SCHIP1: variants seen among roughly 807,000 people sequenced by gnomAD.
The protein encoded by SCHIP1 is schwannomin interacting protein 1, also known as schwannomin-interacting protein 1.
Under a neutral mutation model 29.7 loss-of-function variants are expected in SCHIP1, and 8 were observed. That is an observed-to-expected ratio of 0.27 (90% CI 0.16 to 0.49). The LOEUF is 0.49. SCHIP1 is among the 20% of genes least tolerant of loss of function. The probability of loss-of-function intolerance (pLI) is 0.99; values close to 1 mark genes in which losing one functional copy is unlikely to be tolerated. For synonymous variants in SCHIP1, 76 were observed against 94.9 expected (o/e 0.80, Z 1.16); for missense variants, 193 against 294.6 (o/e 0.66, Z 2.52).
the SCHIP1 span, among the ~76,000 whole-genome samples, chr3:159,628,589 A>G: frequency 6.6e-6 from 1 of 152,312 alleles, no homozygotes; most frequent in South Asian, 2.1e-4. Context: ...GAATTACACA[A>G]ACATTCTAGA....
chr3:159,502,460 A>C, the SCHIP1 span, among the ~76,000 whole-genome samples: 2 of 150,640 alleles, frequency 1.3e-5, no homozygotes, highest in Middle Eastern at 3.5e-3. Context: ...TATAGTGACC[A>C]AAATCAGCTT....
the SCHIP1 span, among the ~76,000 whole-genome samples, chr3:159,605,178 C>T: frequency 4.6e-5 from 7 of 151,978 alleles, no homozygotes; most frequent in South Asian, 2.1e-4. Context: ...TTTAAAAGGG[C>T]GAAGCATTAG....
the SCHIP1 span, among the ~76,000 whole-genome samples, chr3:159,447,589 C>T: frequency 6.6e-6 from 1 of 152,152 alleles, no homozygotes; most frequent in African/African-American, 2.4e-5. Flanking sequence ...ACAGGTATTA[C>T]CAATCAAACA....
chr3:159,365,313 G>T, the SCHIP1 span, among the ~76,000 whole-genome samples: 1 of 152,068 alleles, frequency 6.6e-6, no homozygotes, highest in Non-Finnish European at 1.5e-5. Flanking sequence ...ACATGATATT[G>T]CTTCGTTATG....
the SCHIP1 span, among the ~76,000 whole-genome samples, chr3:159,817,486 T>C: frequency 6.6e-6 from 1 of 152,226 alleles, no homozygotes; most frequent in South Asian, 2.1e-4. Context: ...TTCCTCACTT[T>C]TGTGTGGCCA....
chr3:159,442,710 T>C, the SCHIP1 span, among the ~76,000 whole-genome samples: 5 of 152,036 alleles, frequency 3.3e-5, no homozygotes, highest in East Asian at 9.6e-4. Flanking sequence ...TTGCAGACAT[T>C]TGTGGGAGAG....
At chr3:159,539,008 T>C in the SCHIP1 span, among the ~76,000 whole-genome samples, 2 of 152,080 alleles carry the variant, frequency 1.3e-5, no homozygotes, top group Non-Finnish European at 2.9e-5. Context: ...GTTATATAAG[T>C]GGATGTACCC....
At chr3:159,328,895 C>G in the SCHIP1 span, among the ~76,000 whole-genome samples, 2 of 152,166 alleles carry the variant, frequency 1.3e-5, no homozygotes, top group African/African-American at 2.4e-5. Context: ...TATTTAACCC[C>G]TGTGAGTCTC....
chr3:159,660,522 T>A, the SCHIP1 span, among the ~76,000 whole-genome samples: 1 of 152,172 alleles, frequency 6.6e-6, no homozygotes, highest in Admixed American at 6.5e-5. Flanking sequence ...CATACAGATC[T>A]AATGTGTGTG....
chr3:159,850,611 T>C (rs971364049), intron 1 of SCHIP1, among the ~76,000 whole-genome samples: 3 of 150,874 alleles, frequency 2.0e-5, no homozygotes, highest in African/African-American at 7.3e-5. Flanking sequence ...AGAGGTTTAA[T>C]TGGCTCATGG....
the SCHIP1 span, among the ~76,000 whole-genome samples, chr3:159,646,501 G>A: frequency 1.3e-5 from 2 of 152,052 alleles, no homozygotes; most frequent in Non-Finnish European, 2.9e-5. Context: ...TCCTTTACAG[G>A]AATCAACTCA....
chr3:159,612,200 A>C, the SCHIP1 span, among the ~76,000 whole-genome samples: 1 of 152,284 alleles, frequency 6.6e-6, no homozygotes, highest in Admixed American at 6.5e-5. Flanking sequence ...TGATGACCAA[A>C]GCTATAATCA....
chr3:159,611,765 T>C, the SCHIP1 span, among the ~76,000 whole-genome samples: 1 of 152,290 alleles, frequency 6.6e-6, no homozygotes, highest in South Asian at 2.1e-4. Flanking sequence ...ATGAGTAAAT[T>C]GACCCCAAGA....
chr3:159,372,716 A>G, the SCHIP1 span, among the ~76,000 whole-genome samples: 1 of 152,096 alleles, frequency 6.6e-6, no homozygotes, highest in Non-Finnish European at 1.5e-5. Flanking sequence ...AACATTTTTA[A>G]ATAGTATTGG....
At chr3:159,383,425 C>T in the SCHIP1 span, among the ~76,000 whole-genome samples, 34 of 151,446 alleles carry the variant, frequency 2.2e-4, no homozygotes, top group Middle Eastern at 6.8e-3. Flanking sequence ...TGTAGATATG[C>T]GGCGTTATTT....
At chr3:159,854,490 C>T (rs1238186874) in intron 1 of SCHIP1, among the ~76,000 whole-genome samples, 3 of 152,164 alleles carry the variant, frequency 2.0e-5, no homozygotes, top group African/African-American at 4.8e-5. Context: ...TATGTGAAAG[C>T]GGTTTCAGTA....
At chr3:159,460,300 A>G in the SCHIP1 span, among the ~76,000 whole-genome samples, 1 of 152,176 alleles carries the variant, frequency 6.6e-6, no homozygotes, top group Admixed American at 6.6e-5. Context: ...AGGGTGGGTG[A>G]GGTCAGTTCC....
chr3:159,876,724 CAT>C (rs1715851565), intron 2 of SCHIP1, among the ~76,000 whole-genome samples: 1 of 152,166 alleles, frequency 6.6e-6, no homozygotes, highest in African/African-American at 2.4e-5. Flanking sequence ...ACGCTTTTAT[CAT>C]ATGTTTCTTG....
the SCHIP1 span, among the ~76,000 whole-genome samples, chr3:159,713,228 GAAA>G: frequency 8.9e-6 from 1 of 112,284 alleles, no homozygotes; most frequent in Admixed American, 9.3e-5. Flanking sequence ...GAGAGAGAAA[GAAA>G]GGAAGAAAGA....
Sources: gnomAD v4.1 joint callset for allele counts (sites outside exome capture counted in the v4.1 genomes callset) on GRCh38, gnomAD v4.1.1 for gene constraint, MANE v1.5 for transcripts, NCBI Gene and HGNC (gene_info 2026-07-23, HGNC 2026-07-21) for gene names.